The following SPOCK1 variants were observed in gnomAD, a reference collection of about 807,000 sequenced individuals.
SPOCK1 encodes testican-1.
In SPOCK1, 23 loss-of-function variants were observed where a neutral mutation model predicts 55.3. The ratio of observed to expected loss-of-function variants is 0.42; its 90% confidence interval spans 0.30 to 0.59. The LOEUF (loss-of-function observed/expected upper bound fraction) is 0.59. SPOCK1 is among the 20% of genes least tolerant of loss of function. The pLI is 0.22. For missense variants in SPOCK1, 499 were observed against 552.5 expected (o/e 0.90, Z 0.97); for synonymous variants, 226 against 221.0 (o/e 1.02, Z -0.20).
chr5:137,008,800 G>A (rs1230765693), intron 6 of SPOCK1, among the ~76,000 whole-genome samples: 2 of 152,094 alleles, frequency 1.3e-5, no homozygotes, highest in African/African-American at 4.8e-5. Context: ...ATATTTCACT[G>A]AACAAAGATT....
chr5:137,382,144 A>C lies in SPOCK1; in HGVS notation c.187-115089T>G, dbSNP rs1028035059. On this transcript the variant is annotated intron_variant, in intron 2 of 10. Coordinates refer to ENST00000394945, the MANE Select transcript of SPOCK1 (RefSeq NM_004598.4). ...TCTAGGGTAGGGGCAAAATGCCACC[A>C]GTCTCTTTGCTAAAGCATAGCAAGA... 2.6e-5 allele frequency among the ~76,000 whole-genome samples: 4 copies of C among 152,236 alleles called. No individual in the cohort carries two copies. In the South Asian group the frequency reaches 8.3e-4, roughly 32 times the overall value.
chr5:137,362,642 G>A (rs558260336), intron 2 of SPOCK1, among the ~76,000 whole-genome samples: 1 of 152,192 alleles, frequency 6.6e-6, no homozygotes, highest in Non-Finnish European at 1.5e-5. Context: ...AACTTTTAAT[G>A]TAAAGGGCCA....
chr5:137,341,278 G>C (rs1184581970), intron 2 of SPOCK1, among the ~76,000 whole-genome samples: 1 of 152,338 alleles, frequency 6.6e-6, no homozygotes, highest in South Asian at 2.1e-4. Flanking sequence ...TGCCTTGCAG[G>C]CACAGTATAA....
rs1421369041 is a variant in SPOCK1, at chr5:137,434,587, C to A, written c.186+63786G>T. ...CGATCTCGGCTCACTGCAAGCTCCG[C>A]CTCCTGGGTTCACGTCATTCTCCTG... On this transcript the variant is annotated intron_variant, in intron 2 of 10. Coordinates refer to ENST00000394945, the MANE Select transcript of SPOCK1 (RefSeq NM_004598.4). Among the ~76,000 whole-genome samples the A allele has an allele frequency of 5.5e-5, 8 of 146,774 alleles. No homozygotes were observed. In the East Asian group the frequency reaches 1.6e-3, roughly 30 times the overall value.
chr5:137,377,741 A>C (rs1751349698), intron 2 of SPOCK1, among the ~76,000 whole-genome samples: 1 of 152,154 alleles, frequency 6.6e-6, no homozygotes, highest in Non-Finnish European at 1.5e-5. Context: ...AGGATTCCGG[A>C]TTCTCTTACC....
chr5:137,364,195 G>A (rs1180702936), intron 2 of SPOCK1, among the ~76,000 whole-genome samples: 11 of 152,172 alleles, frequency 7.2e-5, no homozygotes, highest in Admixed American at 7.2e-4. Flanking sequence ...CACTGGAGAA[G>A]GACAGAGGTT....
chr5:137,057,775 T>A (rs1470306132), intron 6 of SPOCK1, among the ~76,000 whole-genome samples: 3 of 152,202 alleles, frequency 2.0e-5, no homozygotes, highest in African/African-American at 7.2e-5. Flanking sequence ...CTGGTGATAA[T>A]TTCAATTTAT....
At chr5:137,105,511 T>C (rs1363188272) in intron 5 of SPOCK1, among the ~76,000 whole-genome samples, 1 of 152,180 alleles carries the variant, frequency 6.6e-6, no homozygotes, top group East Asian at 1.9e-4. Context: ...TGAGAAGTCT[T>C]ACACATGCAC....
chr5:137,330,839 A>G (rs1758163246), intron 2 of SPOCK1, among the ~76,000 whole-genome samples: 2 of 152,238 alleles, frequency 1.3e-5, no homozygotes, highest in African/African-American at 4.8e-5. Context: ...ATTCAGCCAT[A>G]GGTATTTTCA....
intron 3 of SPOCK1, among the ~76,000 whole-genome samples, chr5:137,230,794 G>C (rs367683643): frequency 1.0e-5 from 1 of 95,328 alleles, no homozygotes; most frequent in Admixed American, 9.2e-5. Flanking sequence ...AAATAATCCA[G>C]AGACATTCCA....
chr5:137,103,303 T>C (rs1027749351), intron 5 of SPOCK1, among the ~76,000 whole-genome samples: 1 of 152,208 alleles, frequency 6.6e-6, no homozygotes, highest in Non-Finnish European at 1.5e-5. Flanking sequence ...CTTTTAATAA[T>C]GTAACTTTCC....
intron 5 of SPOCK1, among the ~76,000 whole-genome samples, chr5:137,098,166 G>C (rs1430266128): frequency 6.6e-6 from 1 of 151,392 alleles, no homozygotes; most frequent in Non-Finnish European, 1.5e-5. Context: ...TTCCAGACAA[G>C]TGTTATTATG....
At chr5:137,291,834 T>C (rs1757377069) in intron 2 of SPOCK1, among the ~76,000 whole-genome samples, 1 of 152,132 alleles carries the variant, frequency 6.6e-6, no homozygotes, top group Admixed American at 6.5e-5. Context: ...CACTGTGAGC[T>C]CACACTCCTT....
chr5:137,266,182 T>A (rs1756846777), intron 3 of SPOCK1, among the ~76,000 whole-genome samples: 1 of 152,214 alleles, frequency 6.6e-6, no homozygotes, highest in Admixed American at 6.5e-5. Context: ...ACCATCATGA[T>A]CACATCGAAT....
intron 2 of SPOCK1, among the ~76,000 whole-genome samples, chr5:137,276,731 G>A (rs930814086): frequency 3.9e-5 from 6 of 152,170 alleles, no homozygotes; most frequent in African/African-American, 1.4e-4. Flanking sequence ...GTGACTAACT[G>A]GGGCAGTAAC....
chr5:136,991,398 A>G (rs188575116), intron 7 of SPOCK1, among the ~76,000 whole-genome samples: 115 of 152,254 alleles, frequency 7.6e-4, no homozygotes, highest in African/African-American at 2.7e-3. Flanking sequence ...GATGTTCTCC[A>G]CTGATATCTC....
chr5:137,036,470 A>T, intron 6 of SPOCK1, among the ~76,000 whole-genome samples: 1 of 152,170 alleles, frequency 6.6e-6, no homozygotes, highest in East Asian at 1.9e-4. Flanking sequence ...TGTACAATAT[A>T]AAACTATCAA....
intron 2 of SPOCK1, among the ~76,000 whole-genome samples, chr5:137,377,147 C>A (rs1160768992): frequency 1.3e-5 from 2 of 152,194 alleles, no homozygotes; most frequent in Non-Finnish European, 2.9e-5. Context: ...CCCAATGAGG[C>A]AAATTAATTG....
intron 3 of SPOCK1, among the ~76,000 whole-genome samples, 164 bp downstream of exon 3, chr5:137,266,846 A>G (rs1756862155): frequency 1.3e-5 from 2 of 152,304 alleles, no homozygotes; most frequent in South Asian, 4.1e-4. Context: ...CAAATAACCA[A>G]TTTGATAAAA....
Sources: gnomAD v4.1 joint callset for allele counts (sites outside exome capture counted in the v4.1 genomes callset) on GRCh38, gnomAD v4.1.1 for gene constraint, MANE v1.5 for transcripts, NCBI Gene and HGNC (gene_info 2026-07-23, HGNC 2026-07-21) for gene names.